Variants in FRMD3 observed in about 807,000 individuals in gnomAD.
The protein encoded by FRMD3 is FERM domain-containing protein 3.
In FRMD3, 33 loss-of-function variants were observed where a neutral mutation model predicts 70.2. The ratio of observed to expected loss-of-function variants is 0.47; its 90% confidence interval spans 0.36 to 0.63. The LOEUF is 0.63. FRMD3 is among the 20% of genes least tolerant of loss of function. The pLI, the probability that FRMD3 is intolerant of heterozygous loss-of-function variation, is 0.00. For missense variants in FRMD3, 632 were observed against 711.4 expected, an observed-to-expected ratio of 0.89 and a Z score of 1.27; for synonymous variants, 279 against 255.9, an observed-to-expected ratio of 1.09 and a Z score of -0.86.
At chr9:83,396,692 G>T (rs1825820103) in intron 1 of FRMD3, among the ~76,000 whole-genome samples, 1 of 152,216 alleles carries the variant, frequency 6.6e-6, no homozygotes, top group Admixed American at 6.5e-5. Context: ...CATACACAGA[G>T]GTGCAGTGGG....
At chr9:83,275,750 G>A (rs1287745000) in intron 13 of FRMD3, among the ~76,000 whole-genome samples, 1 of 152,156 alleles carries the variant, frequency 6.6e-6, no homozygotes, top group Non-Finnish European at 1.5e-5. Context: ...AATAAAACTA[G>A]GGCCTGAATA....
intron 13 of FRMD3, among the ~76,000 whole-genome samples, chr9:83,288,836 G>T (rs1834314386): frequency 6.6e-6 from 1 of 152,182 alleles, no homozygotes; most frequent in South Asian, 2.1e-4. Context: ...TAACTGAATG[G>T]GATGAAGAGT....
the FRMD3 span, among the ~76,000 whole-genome samples, chr9:83,543,938 G>A: frequency 6.6e-6 from 1 of 152,134 alleles, no homozygotes; most frequent in Non-Finnish European, 1.5e-5. Context: ...CTGCCGCCAG[G>A]GTTTGGCTTA....
chr9:83,435,494 T>A (rs1013653247), intron 1 of FRMD3, among the ~76,000 whole-genome samples: 23 of 151,550 alleles, frequency 1.5e-4, no homozygotes, highest in African/African-American at 5.6e-4. Context: ...AGTGGCAGAG[T>A]CCTACCCTAA....
At chr9:83,273,100 C>T (rs1563987450) in intron 13 of FRMD3, among the ~76,000 whole-genome samples, 1 of 152,036 alleles carries the variant, frequency 6.6e-6, no homozygotes, top group Non-Finnish European at 1.5e-5. Context: ...TGAGGAGCCC[C>T]TCTGCCCGGC....
intron 13 of FRMD3, among the ~76,000 whole-genome samples, chr9:83,250,899 T>A (rs1832381421): frequency 6.6e-6 from 1 of 152,224 alleles, no homozygotes; most frequent in Non-Finnish European, 1.5e-5. Flanking sequence ...GCAGCCACCA[T>A]TTCTGTGGTT....
intron 6 of FRMD3, among the ~76,000 whole-genome samples, chr9:83,325,213 G>A (rs1480106835): frequency 6.6e-6 from 1 of 152,144 alleles, no homozygotes; most frequent in African/African-American, 2.4e-5. Context: ...TGGGTACAAT[G>A]TACACTATTC....
At chr9:83,545,028 A>C in the FRMD3 span, among the ~76,000 whole-genome samples, 1 of 152,328 alleles carries the variant, frequency 6.6e-6, no homozygotes, top group South Asian at 2.1e-4. Flanking sequence ...AATGGATCCT[A>C]ACCAAAATGA....
chr9:83,302,460 C>T (rs566669407), intron 10 of FRMD3, among the ~76,000 whole-genome samples: 8 of 152,254 alleles, frequency 5.3e-5, no homozygotes, highest in African/African-American at 1.9e-4. Flanking sequence ...CTTTGCTGAG[C>T]CTCGGTTTCT....
chr9:83,491,676 T>C (rs1260351129), intron 1 of FRMD3, among the ~76,000 whole-genome samples: 1 of 152,054 alleles, frequency 6.6e-6, no homozygotes, highest in Non-Finnish European at 1.5e-5. Context: ...GCCAGCACGA[T>C]GGAAAAAGGG....
At chr9:83,478,057 C>T (rs1359496137) in intron 1 of FRMD3, among the ~76,000 whole-genome samples, 1 of 152,196 alleles carries the variant, frequency 6.6e-6, no homozygotes, top group East Asian at 1.9e-4. Context: ...GACTGGCTTC[C>T]CTTCTGTCTC....
At chr9:83,452,848 CTTTTTTTT>C (rs11346596) in intron 1 of FRMD3, among the ~76,000 whole-genome samples, 1 of 72,360 alleles carries the variant, frequency 1.4e-5, no homozygotes, top group African/African-American at 6.3e-5. Context: ...TTTTTATTGC[CTTTTTTTT>C]TTTTTTTTTT....
intron 2 of FRMD3, among the ~76,000 whole-genome samples, chr9:83,373,934 T>A (rs1825062793): frequency 6.6e-6 from 1 of 152,212 alleles, no homozygotes; most frequent in East Asian, 1.9e-4. Context: ...GGTCCTGTGT[T>A]ATCCATATTC....
intron 1 of FRMD3, among the ~76,000 whole-genome samples, chr9:83,536,704 G>A (rs1040244495): frequency 6.6e-6 from 1 of 151,888 alleles, no homozygotes; most frequent in South Asian, 2.1e-4. Context: ...GAGATCATGG[G>A]GCATCACATT....
chr9:83,267,686 C>A (rs778545697), intron 13 of FRMD3, among the ~76,000 whole-genome samples: 1 of 152,108 alleles, frequency 6.6e-6, no homozygotes, highest in Admixed American at 6.5e-5. Flanking sequence ...TCGAGATATT[C>A]AAATAGTATC....
intron 5 of FRMD3, among the ~76,000 whole-genome samples, chr9:83,341,772 G>T (rs942251675): frequency 6.6e-6 from 1 of 152,248 alleles, no homozygotes; most frequent in South Asian, 2.1e-4. Context: ...TGTTCCCAGG[G>T]AAGGGGGTGA....
the FRMD3 span, among the ~76,000 whole-genome samples, chr9:83,562,520 A>C: frequency 1.3e-5 from 2 of 152,198 alleles, no homozygotes; most frequent in Non-Finnish European, 2.9e-5. Context: ...AGCTATGCCC[A>C]AGGTGACTTC....
chr9:83,364,231 G>A (rs1824715187), intron 3 of FRMD3, among the ~76,000 whole-genome samples: 1 of 152,008 alleles, frequency 6.6e-6, no homozygotes, highest in Non-Finnish European at 1.5e-5. Context: ...GCTTTAATTT[G>A]CTTTACAGTC....
In FRMD3 at chr9:83,378,270, G is replaced by GT. The variant is rs929245215; in HGVS notation, c.253-5316dup. Among the ~76,000 whole-genome samples the GT allele has an allele frequency of 7.9e-4, 108 of 135,950 alleles. 1 individual carries two copies. The highest frequency in any genetic ancestry group is 1.3e-3 in the Non-Finnish European group (88 of 65,668). The allele number at this position is 135,950 out of a possible 152,430, so 89.2% of individuals were successfully genotyped here. On this transcript the variant is annotated intron_variant, in intron 2 of 13. Transcript: ENST00000304195. Reference sequence around the variant, plus strand: ...TGTGTCCTTCTTTTTTGTTTTTTTTGTTTTTTTTGAGACAGAGTCTTGCTC... The same window carrying GT: ...TGTGTCCTTCTTTTTTGTTTTTTTTGTTTTTTTTTGAGACAGAGTCTTGCTC...
Sources: gnomAD v4.1 joint callset for allele counts (sites outside exome capture counted in the v4.1 genomes callset) on GRCh38, gnomAD v4.1.1 for gene constraint, MANE v1.5 for transcripts, NCBI Gene and HGNC (gene_info 2026-07-23, HGNC 2026-07-21) for gene names.